MCCC1: variants seen among roughly 807,000 people sequenced by gnomAD.
MCCC1 encodes the protein methylcrotonoyl-CoA carboxylase subunit alpha, mitochondrial.
A neutral mutation model predicts 83.8 loss-of-function variants in MCCC1; 64 were observed. The ratio of observed to expected loss-of-function variants is 0.76; its 90% CI spans 0.62 to 0.94. MCCC1 has a LOEUF of 0.94. Among genes scored for constraint, MCCC1 ranks in the 40% least tolerant of loss-of-function variants. The pLI is 0.00. For synonymous variants in MCCC1, 322 were observed against 315.4 expected, an observed-to-expected ratio of 1.02 and a Z score of -0.22; for missense variants, 807 against 904.7, an observed-to-expected ratio of 0.89 and a Z score of 1.39.
intron 14 of MCCC1, among the ~76,000 whole-genome samples, chr3:183,032,534 T>C (rs1287900057): frequency 5.3e-5 from 8 of 152,104 alleles, no homozygotes; most frequent in African/African-American, 1.9e-4. Context: ...AGGCTCAGGA[T>C]TGAAAAATAA....
intron 1 of MCCC1, among the ~76,000 whole-genome samples, chr3:183,113,350 A>G: frequency 7.1e-6 from 1 of 141,716 alleles, no homozygotes; most frequent in African/African-American, 2.6e-5. Context: ...TCTCACTGAT[A>G]GGTGGGAATT....
intron 1 of MCCC1, among the ~76,000 whole-genome samples, chr3:183,106,350 G>T (rs1177812844): frequency 6.6e-6 from 1 of 151,990 alleles, no homozygotes; most frequent in Non-Finnish European, 1.5e-5. Context: ...GCCTCTCTCT[G>T]TTCCTTATTT....
chr3:183,087,834 A>T lies in MCCC1; in HGVS notation c.274-1046T>A, dbSNP rs866863220. Reference sequence around the variant, plus strand: ...GTAGTGAGCCGAGATTGCGCCACTGAACTCCAGCCTGGGCAACAGGGCGAG... The same window carrying T: ...GTAGTGAGCCGAGATTGCGCCACTGTACTCCAGCCTGGGCAACAGGGCGAG... On this transcript the variant is annotated intron_variant, in intron 3 of 18. Transcript: ENST00000265594. Among the ~76,000 whole-genome samples, 4 of 149,962 alleles carry T rather than the reference A, an allele frequency of 2.7e-5. No homozygotes were observed. The South Asian group carries it at 6.4e-4, about 24-fold the overall frequency.
intron 15 of MCCC1, 22 bp from the exon 16 acceptor site, chr3:183,022,576 A>G (rs749989056): frequency 6.3e-7 from 1 of 1,576,064 alleles, no homozygotes; most frequent in Non-Finnish European, 8.7e-7. Context: ...GAAAAATAAG[A>G]TTTTTAAAAT....
chr3:183,056,845 C>A (rs1715455885), intron 8 of MCCC1, among the ~76,000 whole-genome samples: 1 of 152,186 alleles, frequency 6.6e-6, no homozygotes, highest in Admixed American at 6.5e-5. Context: ...TAGGCATGCG[C>A]CACCAAGCCC....
At chr3:183,019,885 A>G (rs1712004190) in intron 17 of MCCC1, among the ~76,000 whole-genome samples, 1 of 152,224 alleles carries the variant, frequency 6.6e-6, no homozygotes, top group Non-Finnish European at 1.5e-5. Flanking sequence ...AATTTAGATT[A>G]TTTGTACTTT....
chr3:183,034,454 C>CA (rs1281645615), intron 13 of MCCC1, among the ~76,000 whole-genome samples: 13,554 of 49,844 alleles, frequency 0.27, 1,951 homozygotes, highest in East Asian at 0.6. Context: ...GACTCCGTCT[C>CA]AAAAAAAAAA....
At chr3:183,098,387 A>C (rs1307768687) in intron 1 of MCCC1, 2 of 152,392 alleles carry the variant, frequency 1.3e-5, no homozygotes, top group South Asian at 2.1e-4. Context: ...GATTGTGCTT[A>C]AACCTCATTC....
At chr3:183,053,718 T>C (rs1408946634) in intron 8 of MCCC1, among the ~76,000 whole-genome samples, 2 of 145,886 alleles carry the variant, frequency 1.4e-5, no homozygotes, top group Admixed American at 1.4e-4. Context: ...GGCAGGAGAA[T>C]GGCGTGAACC....
intron 15 of MCCC1, among the ~76,000 whole-genome samples, chr3:183,024,367 T>C (rs1022585004): frequency 1.3e-5 from 2 of 152,252 alleles, no homozygotes; most frequent in Non-Finnish European, 2.9e-5. Context: ...ATGTTATCAC[T>C]CTGATGGCTA....
intron 15 of MCCC1, 118 bp from the exon 16 acceptor site, chr3:183,022,672 A>G (rs1003057191): frequency 2.3e-6 from 2 of 869,932 alleles, no homozygotes; most frequent in Non-Finnish European, 3.5e-6. Flanking sequence ...TCTTAAACAT[A>G]TATAACATAT....
intron 10 of MCCC1, among the ~76,000 whole-genome samples, chr3:183,045,092 CTT>C (rs35283773): frequency 2.7e-4 from 37 of 137,696 alleles, no homozygotes; most frequent in Admixed American, 3.7e-4. Flanking sequence ...CAAGACTGAT[CTT>C]TTTTTTTTTT....
intron 1 of MCCC1, among the ~76,000 whole-genome samples, chr3:183,112,416 A>C (rs112116174): frequency 1.1e-4 from 16 of 152,330 alleles, no homozygotes; most frequent in Admixed American, 2.6e-4. Flanking sequence ...AGAAGGCTGC[A>C]GTGGCTCCTA....
chr3:183,087,262 C>T (rs1717960135), intron 3 of MCCC1, among the ~76,000 whole-genome samples: 1 of 152,010 alleles, frequency 6.6e-6, no homozygotes, highest in African/African-American at 2.4e-5. Flanking sequence ...TTATATTATT[C>T]CTTAAAACTT....
In MCCC1 at chr3:183,064,813, A is replaced by T. The variant is rs1716131624; in HGVS notation, c.761+6186T>A. On this transcript the variant is annotated intron_variant, in intron 7 of 18. Coordinates refer to ENST00000265594, the MANE Select transcript of MCCC1 (RefSeq NM_020166.5). This position sits in a 1 kb window ranked among gnomAD's most constrained non-coding sequence, Gnocchi z 4.5. ...GCCTCAGAGCCATGGTGGGCAAAAGATCCCTTCTTAACTGACAAGTGGCCA... is the reference window on the plus strand; with the variant it reads ...GCCTCAGAGCCATGGTGGGCAAAAGTTCCCTTCTTAACTGACAAGTGGCCA... Among the ~76,000 whole-genome samples the T allele has an allele frequency of 6.6e-6, 1 of 152,170 alleles. No individual in the cohort carries two copies. Among genetic ancestry groups the T allele is most frequent in the South Asian group, 2.1e-4 (1 of 4,832 alleles).
chr3:183,037,795 G>A (rs1422533056), intron 12 of MCCC1, among the ~76,000 whole-genome samples: 4 of 152,208 alleles, frequency 2.6e-5, no homozygotes, highest in Non-Finnish European at 5.9e-5. Context: ...TCGAAGACTT[G>A]CTGCTCAGAA....
Position 183,052,167 on chromosome 3 carries a change from AC to A in MCCC1, c.946del (p.Val316LeufsTer21). 1 of 1,614,104 alleles carries A rather than the reference AC, an allele frequency of 6.2e-7. No individual in the cohort carries two copies. Among genetic ancestry groups the A allele is most frequent in the Non-Finnish European group, 8.5e-7 (1 of 1,179,962 alleles). On this transcript the variant is annotated frameshift_variant, in exon 9 of 19. Coordinates refer to ENST00000265594, the MANE Select transcript of MCCC1 (RefSeq NM_020166.5). LOFTEE classifies it high-confidence loss of function. ...AVRAAKAVNY[V>X]GAGTVEFIMD... ...AGCAAATCTTAACCTACCTGCTCCA[AC>A]ATAATTTACAGCTTTAGCAGCTCTG...
chr3:183,091,820 C>T (rs1318173916), intron 3 of MCCC1, among the ~76,000 whole-genome samples: 9 of 152,024 alleles, frequency 5.9e-5, no homozygotes, highest in Non-Finnish European at 7.4e-5. Context: ...GGGCGGATCA[C>T]GAGGTCAGCA....
intron 7 of MCCC1, among the ~76,000 whole-genome samples, chr3:183,057,648 C>G (rs1715523389): frequency 1.3e-5 from 2 of 152,174 alleles, no homozygotes; most frequent in Admixed American, 1.3e-4. Context: ...GGTGCCAAGG[C>G]AGGCAGAATG....
Sources: gnomAD v4.1 joint callset for allele counts (sites outside exome capture counted in the v4.1 genomes callset) on GRCh38, gnomAD v4.1.1 for gene constraint, Gnocchi (gnomAD v3.1) non-coding constraint, MANE v1.5 for transcripts, NCBI Gene and HGNC (gene_info 2026-07-23, HGNC 2026-07-21) for gene names.